Variants in MAP7 observed in about 807,000 individuals in gnomAD.
The protein encoded by MAP7 is ensconsin.
A neutral mutation model predicts 94.8 loss-of-function variants in MAP7; 52 were observed. The observed-to-expected ratio is 0.55, with a 90% confidence interval of 0.44 to 0.69. The LOEUF is 0.69. MAP7 is among the 30% of genes least tolerant of loss of function. MAP7 has a pLI of 0.00. For missense variants in MAP7, 940 were observed against 964.6 expected (o/e 0.97, Z 0.34); for synonymous variants, 350 against 357.0 (o/e 0.98, Z 0.22).
chr6:136,507,764 C>T (rs189313719), intron 1 of MAP7, among the ~76,000 whole-genome samples: 86 of 152,298 alleles, frequency 5.6e-4, no homozygotes, highest in African/African-American at 2.0e-3. Context: ...ATAGGTGTCA[C>T]TACTAGCCCT....
intron 16 of MAP7, among the ~76,000 whole-genome samples, chr6:136,354,631 TTA>T (rs1453372476): frequency 2.0e-5 from 3 of 151,804 alleles, no homozygotes; most frequent in Admixed American, 1.3e-4. Flanking sequence ...AAGGCTATGC[TTA>T]TGTTTCTTCT....
chr6:136,371,614 G>A (rs1001956927), intron 8 of MAP7, among the ~76,000 whole-genome samples: 4 of 152,222 alleles, frequency 2.6e-5, no homozygotes, highest in African/African-American at 4.8e-5. Context: ...GCTCTGGGAA[G>A]TTACGATTTT....
At chr6:136,469,205 C>G (rs1372464001) in intron 1 of MAP7, among the ~76,000 whole-genome samples, 2 of 152,146 alleles carry the variant, frequency 1.3e-5, no homozygotes, top group African/African-American at 4.8e-5. Flanking sequence ...GATCCTAAAT[C>G]CACACATCAT....
intron 1 of MAP7, among the ~76,000 whole-genome samples, chr6:136,538,329 G>A (rs188103893): frequency 6.2e-4 from 95 of 152,256 alleles, no homozygotes; most frequent in African/African-American, 2.1e-3. Context: ...TGAACATCTC[G>A]TGGAAGGCAA....
At chr6:136,549,031 A>G (rs1407368331) in intron 1 of MAP7, among the ~76,000 whole-genome samples, 1 of 152,252 alleles carries the variant, frequency 6.6e-6, no homozygotes, top group African/African-American at 2.4e-5. Flanking sequence ...GCATGACTTA[A>G]ACAAGTTCAA....
At chr6:136,423,725 TAA>T (rs545495506) in intron 1 of MAP7, among the ~76,000 whole-genome samples, 2 of 133,062 alleles carry the variant, frequency 1.5e-5, no homozygotes, top group Non-Finnish European at 3.3e-5. Context: ...ATCTGAGCCT[TAA>T]AAAAAAAAAA....
At chr6:136,415,933 G>A (rs889699146) in intron 2 of MAP7, among the ~76,000 whole-genome samples, 2 of 152,198 alleles carry the variant, frequency 1.3e-5, no homozygotes, top group Admixed American at 6.5e-5. Context: ...GATTTTGCTT[G>A]ATTTGGAAAC....
At chr6:136,389,863 T>A (rs1007833716) in intron 3 of MAP7, among the ~76,000 whole-genome samples, 8 of 152,204 alleles carry the variant, frequency 5.3e-5, no homozygotes, top group Admixed American at 2.6e-4. Flanking sequence ...CTCTTTTTTT[T>A]ATTATAAAAC....
chr6:136,469,445 G>C (rs1254715711), intron 1 of MAP7, among the ~76,000 whole-genome samples: 1 of 151,852 alleles, frequency 6.6e-6, no homozygotes, highest in African/African-American at 2.4e-5. Context: ...GCAGTGGTGT[G>C]ATCTTGGCTC....
At chr6:136,490,338 A>G (rs1330199526) in intron 1 of MAP7, among the ~76,000 whole-genome samples, 1 of 152,212 alleles carries the variant, frequency 6.6e-6, no homozygotes, top group African/African-American at 2.4e-5. Context: ...TACTTACTAT[A>G]TTGTTTTAAT....
intron 17 of MAP7, among the ~76,000 whole-genome samples, 183 bp from the exon 18 acceptor site, chr6:136,344,421 A>G (rs1562292123): frequency 6.6e-6 from 1 of 152,234 alleles, no homozygotes; most frequent in Non-Finnish European, 1.5e-5. Flanking sequence ...TGTTACTCAT[A>G]GGAAACATAT....
At position 136,535,737 on chromosome 6, in the gene MAP7, CTTTT is replaced by C. The variant is rs958095692; in HGVS notation, c.67+14601_67+14604del. On this transcript the variant is annotated intron_variant, in intron 1 of 17. Transcript: ENST00000354570. The stretch of plus-strand genomic sequence containing the variant: ...TTCTTTTTTTTTTAGTATTTGTCAT[CTTTT>C]TTTTTCTTTTTTTTTTAAATTATAC... Among the ~76,000 whole-genome samples the C allele has an allele frequency of 7.5e-5, 11 of 146,950 alleles. No homozygotes were observed. In the South Asian group the frequency reaches 2.4e-3, roughly 32 times the overall value.
intron 3 of MAP7, among the ~76,000 whole-genome samples, chr6:136,409,409 A>C (rs1786647295): frequency 6.6e-6 from 1 of 152,192 alleles, no homozygotes; most frequent in Non-Finnish European, 1.5e-5. Context: ...GAGAGAGAGA[A>C]GAGAGAAACT....
intron 3 of MAP7, among the ~76,000 whole-genome samples, chr6:136,391,933 T>C (rs961123211): frequency 2.6e-5 from 4 of 152,340 alleles, no homozygotes; most frequent in African/African-American, 9.6e-5. Context: ...ATTTTGACAG[T>C]GATAGCTTTT....
intron 1 of MAP7, among the ~76,000 whole-genome samples, chr6:136,527,599 T>C (rs1462013766): frequency 1.3e-5 from 2 of 152,210 alleles, no homozygotes; most frequent in Non-Finnish European, 2.9e-5. Context: ...CATTTACCTA[T>C]GGTATTAGGG....
chr6:136,503,620 C>A, intron 1 of MAP7, among the ~76,000 whole-genome samples: 1 of 152,182 alleles, frequency 6.6e-6, no homozygotes, highest in Non-Finnish European at 1.5e-5. Context: ...GGGAAAAAAA[C>A]CACCTAAACA....
intron 1 of MAP7, among the ~76,000 whole-genome samples, chr6:136,473,537 C>T (rs997768139): frequency 6.6e-6 from 1 of 152,190 alleles, no homozygotes; most frequent in Non-Finnish European, 1.5e-5. Context: ...TGACATCTGA[C>T]ATCTTCCATG....
At chr6:136,355,279 C>T (rs9385755) in intron 16 of MAP7, among the ~76,000 whole-genome samples, 8,131 of 150,746 alleles carry the variant, frequency 0.054, 478 homozygotes, top group African/African-American at 0.14. Context: ...AAAAAGAAAT[C>T]TCTGAAGTCA....
chr6:136,346,575 A>C (rs934617290), intron 16 of MAP7, among the ~76,000 whole-genome samples: 26 of 152,198 alleles, frequency 1.7e-4, no homozygotes, highest in African/African-American at 4.3e-4. Flanking sequence ...ACAACAACAA[A>C]AAAATTTTAA....
Sources: gnomAD v4.1 joint callset for allele counts (sites outside exome capture counted in the v4.1 genomes callset) on GRCh38, gnomAD v4.1.1 for gene constraint, MANE v1.5 for transcripts, NCBI Gene and HGNC (gene_info 2026-07-23, HGNC 2026-07-21) for gene names.